Variants in INTS4 observed in about 807,000 individuals in gnomAD.
INTS4 encodes MSTP093.
In INTS4, 70 loss-of-function variants were observed where a neutral mutation model predicts 119.5. The observed-to-expected ratio is 0.59, with a 90% CI of 0.48 to 0.71. INTS4 has a LOEUF of 0.71. Ranked by LOEUF, INTS4 falls within the 30% of genes least tolerant of loss-of-function variation. The pLI is 0.00. For synonymous variants in INTS4, 316 were observed against 419.6 expected (o/e 0.75, Z 3.02); for missense variants, 867 against 1,173.2 (o/e 0.74, Z 3.81).
intron 8 of INTS4, among the ~76,000 whole-genome samples, chr11:77,953,483 T>C (rs1329822443): frequency 1.3e-5 from 2 of 152,108 alleles, no homozygotes; most frequent in African/African-American, 2.4e-5. Flanking sequence ...ATGAGGAAAC[T>C]GAGACTAATA....
In INTS4 at chr11:77,958,754, A is replaced by G. The variant is rs1308081217; in HGVS notation, c.789T>C (p.Tyr263=). The change falls in exon 7 of 23, where the codon TAT becomes TAC. Residue 263 remains tyrosine, a synonymous_variant. Transcript: ENST00000534064. ...VQLIWVVSQL[Y]PESIVPIPSS... ...CTTACACCCACACTGACCTTTCAGG[A>G]TAGAGCTGACTGACGACCCAGATAA... is the stretch of plus-strand genomic sequence containing the variant. The G allele has an allele frequency of 1.2e-6, 2 of 1,606,288 alleles. No individual in the cohort carries two copies. Among genetic ancestry groups the G allele is most frequent in the Non-Finnish European group, 1.7e-6 (2 of 1,174,786 alleles).
intron 21 of INTS4, among the ~76,000 whole-genome samples, chr11:77,886,524 C>T (rs960745710): frequency 6.6e-6 from 1 of 151,810 alleles, no homozygotes; most frequent in Non-Finnish European, 1.5e-5. Flanking sequence ...GGGTAAACGG[C>T]GGGAGTAACT....
At chr11:77,876,910 G>A (rs1260546241), downstream of INTS4, 4 of 700,132 alleles carry the variant, frequency 5.7e-6, no homozygotes, top group African/African-American at 3.5e-5. Context: ...CAGCACGATG[G>A]GCTCAGGCAG....
Position 77,958,772 on chromosome 11 carries a change from C to A in INTS4, c.771G>T (p.Trp257Cys). The A allele has an allele frequency of 6.2e-7, 1 of 1,610,824 alleles. No individual in the cohort carries two copies. The highest frequency in any genetic ancestry group is 8.5e-7 in the Non-Finnish European group (1 of 1,178,920). The change falls in exon 7 of 23, where the codon TGG (tryptophan) becomes TGT (cysteine). Residue 257 changes from tryptophan (W) to cysteine (C), a missense_variant. Transcript: ENST00000534064. ...QVRSAAVQLIWVVSQLYPESI... is the reference protein window; with the variant it reads ...QVRSAAVQLICVVSQLYPESI... ...TTTCAGGATAGAGCTGACTGACGAC[C>A]CAGATAAGCTGGACTGCAGCACTGC...
chr11:77,914,272 G>A (rs568462811), intron 15 of INTS4, among the ~76,000 whole-genome samples: 2 of 152,344 alleles, frequency 1.3e-5, no homozygotes, highest in South Asian at 2.1e-4. Flanking sequence ...CCCAGACCAT[G>A]AAGGCGAGTA....
intron 1 of INTS4, among the ~76,000 whole-genome samples, chr11:77,991,862 A>G (rs1447883519): frequency 6.6e-6 from 1 of 152,036 alleles, no homozygotes; most frequent in Non-Finnish European, 1.5e-5. Context: ...GGTTCAAATG[A>G]TTCTCTGACT....
chr11:77,989,877 C>G (rs533453705), intron 2 of INTS4, among the ~76,000 whole-genome samples: 2 of 152,056 alleles, frequency 1.3e-5, no homozygotes, highest in Admixed American at 6.5e-5. Context: ...CCCGCCTGGG[C>G]GAGAAAGCAA....
chr11:77,887,424 AAAT>A (rs1952061182), intron 21 of INTS4, among the ~76,000 whole-genome samples: 1 of 152,200 alleles, frequency 6.6e-6, no homozygotes, highest in African/African-American at 2.4e-5. Context: ...ACGTATCTCA[AAAT>A]AATAAGAGCT....
intron 10 of INTS4, among the ~76,000 whole-genome samples, chr11:77,934,502 G>A (rs143568735): frequency 6.6e-6 from 1 of 152,058 alleles, no homozygotes; most frequent in African/African-American, 2.4e-5. Flanking sequence ...TGAGAATGTT[G>A]TTGTGTTGGA....
intron 14 of INTS4, among the ~76,000 whole-genome samples, chr11:77,919,458 G>A (rs1012874597): frequency 6.6e-6 from 1 of 152,044 alleles, no homozygotes; most frequent in East Asian, 1.9e-4. Flanking sequence ...AGCTAATTTT[G>A]TATTTTTAGT....
chr11:77,890,041 A>G (rs1399393122), intron 21 of INTS4, among the ~76,000 whole-genome samples: 1 of 152,228 alleles, frequency 6.6e-6, no homozygotes, highest in Non-Finnish European at 1.5e-5. Flanking sequence ...CCCTATTCTC[A>G]GGATTTTGAT....
intron 8 of INTS4, among the ~76,000 whole-genome samples, chr11:77,946,210 T>A (rs1328677888): frequency 6.6e-6 from 1 of 152,108 alleles, no homozygotes; most frequent in Non-Finnish European, 1.5e-5. Context: ...CATCAATGAC[T>A]AGGATTATAG....
intron 21 of INTS4, among the ~76,000 whole-genome samples, chr11:77,886,348 G>C (rs1385636519): frequency 6.6e-6 from 1 of 152,196 alleles, no homozygotes; most frequent in African/African-American, 2.4e-5. Context: ...GGCCCAAGTA[G>C]GTCAGAGGAA....
chr11:77,934,924 T>C (rs1953752487), intron 10 of INTS4, among the ~76,000 whole-genome samples: 1 of 152,164 alleles, frequency 6.6e-6, no homozygotes, highest in African/African-American at 2.4e-5. Context: ...TTCTAAGAAG[T>C]AGTTCTATCC....
intron 8 of INTS4, among the ~76,000 whole-genome samples, chr11:77,950,056 T>C (rs1954151310): frequency 6.6e-6 from 1 of 152,234 alleles, no homozygotes; most frequent in South Asian, 2.1e-4. Flanking sequence ...GATGAGTTCA[T>C]GTTCTGTGCA....
chr11:77,909,401 A>T (rs1209257539), intron 15 of INTS4, among the ~76,000 whole-genome samples: 1 of 152,198 alleles, frequency 6.6e-6, no homozygotes, highest in Non-Finnish European at 1.5e-5. Flanking sequence ...AAATCAAGAC[A>T]CCTACAGATT....
intron 10 of INTS4, among the ~76,000 whole-genome samples, chr11:77,935,835 G>A (rs977329642): frequency 6.7e-6 from 1 of 149,672 alleles, no homozygotes; most frequent in Non-Finnish European, 1.5e-5. Context: ...GGTCAAGGCT[G>A]CAGCGAGCCG....
rs1304903814 is a variant in INTS4 at position 77,938,697 on chromosome 11, T to C, written c.1119A>G (p.Ser373=). Residue 373 remains serine, a synonymous_variant, in exon 10 of 23, where the codon TCA becomes TCG. Coordinates refer to ENST00000534064, the MANE Select transcript of INTS4 (RefSeq NM_033547.4). ...VDTGAVNLIE[S]GACGAFVHGL... ...CATGAACAAAAGCTCCACAAGCTCCTGACTCAATCAAGTTCACAGCCCCGG... is the reference window on the plus strand; with the variant it reads ...CATGAACAAAAGCTCCACAAGCTCCCGACTCAATCAAGTTCACAGCCCCGG... The C allele has an allele frequency of 1.2e-6, 2 of 1,611,864 alleles. No individual in the cohort carries two copies. Among genetic ancestry groups the C allele is most frequent in the African/African-American group, 2.7e-5 (2 of 74,848 alleles).
At chr11:77,968,374 A>C (rs1855580608) in intron 4 of INTS4, among the ~76,000 whole-genome samples, 1 of 152,240 alleles carries the variant, frequency 6.6e-6, no homozygotes, top group Admixed American at 6.5e-5. Context: ...CATTATGCTA[A>C]GAAAAATAAG....
Sources: gnomAD v4.1 joint callset for allele counts (sites outside exome capture counted in the v4.1 genomes callset) on GRCh38, gnomAD v4.1.1 for gene constraint, MANE v1.5 for transcripts, NCBI Gene and HGNC (gene_info 2026-07-23, HGNC 2026-07-21) for gene names.